The following CDH1 variants were observed in gnomAD, a reference collection of about 807,000 sequenced individuals.
The protein encoded by CDH1 is cadherin 1.
Under a neutral mutation model 84.5 loss-of-function variants are expected in CDH1, and 35 were observed. That is an observed-to-expected ratio of 0.41 (90% CI 0.32 to 0.55). The LOEUF is 0.55. Ranked by LOEUF, CDH1 falls within the 20% of genes least tolerant of loss-of-function variation. The pLI, the probability that CDH1 is intolerant of heterozygous loss-of-function variation, is 0.19. For missense variants in CDH1, 994 were observed against 1,126.6 expected (o/e 0.88, Z 1.68); for synonymous variants, 417 against 439.0 (o/e 0.95, Z 0.63).
chr16:68,811,598 C>G, intron 6 of CDH1, 86 bp from the exon 7 acceptor site: 1 of 1,189,168 alleles, frequency 8.4e-7, no homozygotes, highest in Non-Finnish European at 1.2e-6. Flanking sequence ...CCTCCTTTAT[C>G]CCTCAGGGCA....
At chr16:68,752,135 A>T (rs1962900349) in intron 2 of CDH1, among the ~76,000 whole-genome samples, 1 of 151,848 alleles carries the variant, frequency 6.6e-6, no homozygotes. Context: ...TATCTTTAGT[A>T]GAGACTGGGT....
chr16:68,765,434 C>T (rs1386694696), intron 2 of CDH1: 3 of 152,182 alleles, frequency 2.0e-5, no homozygotes, highest in African/African-American at 7.2e-5. Context: ...GATCCGTCCG[C>T]CTCGGCCTCC....
chr16:68,817,941 T>C (rs1961023338), intron 10 of CDH1, among the ~76,000 whole-genome samples: 1 of 152,006 alleles, frequency 6.6e-6, no homozygotes, highest in South Asian at 2.1e-4. Context: ...TTTTGTTTCC[T>C]AAAATTGAAA....
At chr16:68,830,006 G>A (rs568729299) in intron 15 of CDH1, among the ~76,000 whole-genome samples, 1 of 142,400 alleles carries the variant, frequency 7.0e-6, no homozygotes, top group African/African-American at 2.7e-5. Flanking sequence ...TGCCCAGGCT[G>A]GAGTGCAATG....
intron 2 of CDH1, among the ~76,000 whole-genome samples, chr16:68,764,549 C>T (rs1315050595): frequency 6.6e-6 from 1 of 152,220 alleles, no homozygotes; most frequent in Non-Finnish European, 1.5e-5. Flanking sequence ...GCACTCCAGC[C>T]TGGGCGATAG....
At chr16:68,813,698 C>T in intron 9 of CDH1, 1 of 706,496 alleles carries the variant, frequency 1.4e-6, no homozygotes, top group South Asian at 1.5e-5. Flanking sequence ...TGTGGTGGCT[C>T]ACGCCTGTAA....
chr16:68,810,484 A>G, intron 6 of CDH1, 143 bp downstream of exon 6: 1 of 735,058 alleles, frequency 1.4e-6, no homozygotes, highest in Non-Finnish European at 2.4e-6. Context: ...TTGTTGTGTT[A>G]TATGCATGTG....
Position 68,815,579 on chromosome 16 carries a change from T to C in CDH1, c.1385T>C (p.Phe462Ser), listed in dbSNP as rs587782622. The C allele has an allele frequency of 3.1e-6, 5 of 1,614,256 alleles. No homozygotes were observed. The highest frequency in any genetic ancestry group is 2.2e-5 in the South Asian group (2 of 91,092). Residue 462 changes from phenylalanine to serine, a missense_variant, in exon 10 of 16, where the codon TTT (phenylalanine) becomes TCT (serine). This residue lies in a region of CDH1 where 769 missense variants were observed against 881.8 expected (regional missense o/e 0.87). Transcript: ENST00000261769. ...LHVAVTNVVP[F>S]EVSLTTSTAT... ...GTAGCAGTGACGAATGTGGTACCTT[T>C]TGAGGTCTCTCTCACCACCTCCACA...
At chr16:68,766,474 C>T (rs201759591) in intron 2 of CDH1, among the ~76,000 whole-genome samples, 10 of 152,012 alleles carry the variant, frequency 6.6e-5, no homozygotes, top group South Asian at 2.1e-4. Flanking sequence ...TCTTGTCTTC[C>T]GGTCAATGTT....
intron 2 of CDH1, among the ~76,000 whole-genome samples, chr16:68,787,083 G>A (rs1198134721): frequency 6.6e-6 from 1 of 152,176 alleles, no homozygotes; most frequent in African/African-American, 2.4e-5. Flanking sequence ...GCACATTTTG[G>A]TGTCAGCCAG....
intron 2 of CDH1, among the ~76,000 whole-genome samples, chr16:68,740,687 TA>T (rs1254120143): frequency 6.6e-6 from 1 of 152,130 alleles, no homozygotes; most frequent in African/African-American, 2.4e-5. Context: ...GTTTGACCAA[TA>T]ATATTATTAC....
chr16:68,755,076 T>C (rs1005604305), intron 2 of CDH1, among the ~76,000 whole-genome samples: 2 of 151,380 alleles, frequency 1.3e-5, no homozygotes, highest in Non-Finnish European at 2.9e-5. Flanking sequence ...GCCCAGGAGT[T>C]CAAGACCAGC....
chr16:68,737,593 A>G, intron 1 of CDH1, 130 bp downstream of exon 1: 1 of 870,766 alleles, frequency 1.1e-6, no homozygotes, highest in South Asian at 1.5e-5. Flanking sequence ...TGAGGAGCGG[A>G]GCGGCCTGGA....
intron 3 of CDH1, among the ~76,000 whole-genome samples, chr16:68,805,353 G>A (rs781678874): frequency 7.2e-5 from 11 of 151,966 alleles, no homozygotes; most frequent in East Asian, 1.9e-4. Flanking sequence ...TCACTTCCAC[G>A]TGCAGTGTTT....
At chr16:68,764,581 A>G (rs765517876) in intron 2 of CDH1, among the ~76,000 whole-genome samples, 1 of 152,240 alleles carries the variant, frequency 6.6e-6, no homozygotes, top group Non-Finnish European at 1.5e-5. Flanking sequence ...ATCTCAAAAT[A>G]AAATAAAATA....
chr16:68,793,760 C>T (rs1370525190), intron 2 of CDH1, among the ~76,000 whole-genome samples: 5 of 152,036 alleles, frequency 3.3e-5, no homozygotes, highest in South Asian at 2.1e-4. Flanking sequence ...GGCATGGTGG[C>T]GCATGCCTGT....
chr16:68,756,862 C>T (rs1963030403), intron 2 of CDH1, among the ~76,000 whole-genome samples: 1 of 152,090 alleles, frequency 6.6e-6, no homozygotes, highest in Non-Finnish European at 1.5e-5. Context: ...ATTACCCAGG[C>T]ATGGTGGCGT....
chr16:68,754,116 C>CAA (rs34969874), intron 2 of CDH1, among the ~76,000 whole-genome samples: 4 of 121,942 alleles, frequency 3.3e-5, no homozygotes, highest in African/African-American at 6.3e-5. Context: ...GATTCTGTCT[C>CAA]AAAAAAAAAA....
At chr16:68,770,498 G>C (rs1465837269) in intron 2 of CDH1, among the ~76,000 whole-genome samples, 1 of 152,062 alleles carries the variant, frequency 6.6e-6, no homozygotes, top group Admixed American at 6.6e-5. Context: ...AGAGCCTGCT[G>C]TGGGCCAGGC....
Sources: gnomAD v4.1 joint callset for allele counts (sites outside exome capture counted in the v4.1 genomes callset) on GRCh38, gnomAD v4.1.1 for gene constraint, gnomAD v4.1.1 regional missense constraint, MANE v1.5 for transcripts, NCBI Gene and HGNC (gene_info 2026-07-23, HGNC 2026-07-21) for gene names.